TMEM161B: variants seen among roughly 807,000 people sequenced by gnomAD.
TMEM161B encodes transmembrane protein 161B.
In TMEM161B, 34 loss-of-function variants were observed where a neutral mutation model predicts 61.8. The ratio of observed to expected loss-of-function variants is 0.55; its 90% CI spans 0.42 to 0.73. TMEM161B has a LOEUF of 0.73. Ranked by LOEUF, TMEM161B falls within the 30% of genes least tolerant of loss-of-function variation. The pLI, the probability that TMEM161B is intolerant of heterozygous loss-of-function variation, is 0.00. For synonymous variants in TMEM161B, 167 were observed against 192.8 expected (o/e 0.87, Z 1.11); for missense variants, 456 against 558.5 (o/e 0.82, Z 1.85).
chr5:88,199,379 G>GA (rs1233275688), intron 9 of TMEM161B: 6 of 364,750 alleles, frequency 1.6e-5, no homozygotes, highest in African/African-American at 4.2e-5. Context: ...GTATCTAGAA[G>GA]AAAAAAGTAG....
intron 1 of TMEM161B, among the ~76,000 whole-genome samples, chr5:88,264,507 T>C (rs898589229): frequency 4.6e-5 from 7 of 152,160 alleles, no homozygotes; most frequent in Non-Finnish European, 1.0e-4. Flanking sequence ...AGTTCAACCA[T>C]TGTGGAAGAC....
At chr5:88,238,277 T>C (rs1388020702) in intron 2 of TMEM161B, among the ~76,000 whole-genome samples, 4 of 151,878 alleles carry the variant, frequency 2.6e-5, no homozygotes, top group Non-Finnish European at 4.4e-5. Context: ...AAACTCTCCA[T>C]TTCAAAGGGA....
chr5:88,199,220 T>C, intron 9 of TMEM161B, 70 bp from the exon 10 acceptor site: 1 of 1,435,628 alleles, frequency 7.0e-7, no homozygotes, highest in East Asian at 2.5e-5. Flanking sequence ...TATATGTTAA[T>C]GGTCACCATA....
intron 1 of TMEM161B, among the ~76,000 whole-genome samples, chr5:88,248,311 G>C (rs1753884333): frequency 6.6e-6 from 1 of 152,098 alleles, no homozygotes; most frequent in East Asian, 1.9e-4. Context: ...ATACCTTCCA[G>C]GTGGTCAAAA....
intron 1 of TMEM161B, among the ~76,000 whole-genome samples, chr5:88,266,001 A>G (rs1488863623): frequency 2.0e-5 from 3 of 152,266 alleles, no homozygotes; most frequent in African/African-American, 7.2e-5. Flanking sequence ...CAAAAAGGAA[A>G]GTGCAATAGA....
At chr5:88,198,910 A>ATT in intron 10 of TMEM161B, 66 bp downstream of exon 10, 1 of 1,277,930 alleles carries the variant, frequency 7.8e-7, no homozygotes, top group Non-Finnish European at 1.1e-6. Context: ...AAAGGAAACC[A>ATT]ATTTTTTTTT....
At chr5:88,258,237 C>T (rs1230085937) in intron 1 of TMEM161B, among the ~76,000 whole-genome samples, 1 of 152,138 alleles carries the variant, frequency 6.6e-6, no homozygotes, top group Admixed American at 6.5e-5. Flanking sequence ...ATTTTGTTGG[C>T]AATTATTTCT....
intron 7 of TMEM161B, 63 bp downstream of exon 7, chr5:88,206,374 AAT>A (rs1287543127): frequency 1.5e-6 from 2 of 1,345,410 alleles, no homozygotes; most frequent in African/African-American, 3.0e-5. Context: ...ATTTATAGTA[AAT>A]ACTGCTTTAT....
chr5:88,217,757 T>A (rs1195186578), intron 5 of TMEM161B, among the ~76,000 whole-genome samples: 1 of 152,144 alleles, frequency 6.6e-6, no homozygotes, highest in Non-Finnish European at 1.5e-5. Flanking sequence ...TACCTCACCA[T>A]GTGCTCAAAG....
intron 11 of TMEM161B, 143 bp downstream of exon 11, chr5:88,197,526 G>A (rs1163655444): frequency 5.7e-6 from 4 of 702,654 alleles, no homozygotes; most frequent in Non-Finnish European, 9.5e-6. Context: ...ACCTTCCACA[G>A]CTAAAACTTT....
downstream of TMEM161B, among the ~76,000 whole-genome samples, chr5:88,190,954 ATAT>A (rs1285067223): frequency 6.6e-6 from 1 of 152,192 alleles, no homozygotes; most frequent in Non-Finnish European, 1.5e-5. Flanking sequence ...TGCTAAAAAC[ATAT>A]TGTTTTAACC....
intron 1 of TMEM161B, among the ~76,000 whole-genome samples, chr5:88,241,190 G>A (rs1405208900): frequency 1.3e-5 from 2 of 151,632 alleles, no homozygotes; most frequent in South Asian, 2.1e-4. Context: ...ATTGTATTAG[G>A]TATTATAAGT....
chr5:88,199,329 A>G lies in TMEM161B; in HGVS notation c.915-179T>C, dbSNP rs1750286087. 6.1e-6 allele frequency: 3 copies of G among 487,952 alleles called. No individual in the cohort carries two copies. In the South Asian group the frequency reaches 1.6e-4, roughly 27 times the overall value. 30.2% of individuals were successfully genotyped at this position (487,952 alleles called of 1,614,324 possible). A position where few individuals can be genotyped will look rare whatever the true frequency, so the allele number is the denominator to read the frequency against. On this transcript the variant is annotated intron_variant, in intron 9 of 11. Transcript: ENST00000296595. ...TATAATACTTTAACTTGAATAACAG[A>G]ACTAGATAAATGTATCATGAAAGCG...
At chr5:88,197,866 C>A in intron 10 of TMEM161B, 101 bp from the exon 11 acceptor site, 1 of 936,480 alleles carries the variant, frequency 1.1e-6, no homozygotes, top group Non-Finnish European at 1.6e-6. Flanking sequence ...AGAGATAATC[C>A]TTTCACAAGA....
At chr5:88,202,235 C>G (rs1170126877) in intron 9 of TMEM161B, 1 of 418,476 alleles carries the variant, frequency 2.4e-6, no homozygotes, top group Non-Finnish European at 4.8e-6. Flanking sequence ...TTCTATTACT[C>G]TAACAGTTCT....
At chr5:88,206,713 A>C (rs894608133) in intron 6 of TMEM161B, among the ~76,000 whole-genome samples, 2 of 152,118 alleles carry the variant, frequency 1.3e-5, no homozygotes, top group Non-Finnish European at 2.9e-5. Context: ...ATATTTGTAC[A>C]TTCCATGAGT....
intron 2 of TMEM161B, among the ~76,000 whole-genome samples, chr5:88,234,904 T>C (rs1336299264): frequency 2.0e-5 from 3 of 152,064 alleles, no homozygotes; most frequent in East Asian, 1.9e-4. Flanking sequence ...GTCTCTAAGA[T>C]AAATAAATAA....
intron 1 of TMEM161B, among the ~76,000 whole-genome samples, chr5:88,256,936 C>T (rs73770362): frequency 6.6e-6 from 1 of 152,186 alleles, no homozygotes; most frequent in East Asian, 1.9e-4. Context: ...TCTGTTTTTA[C>T]AAGACAATCT....
chr5:88,263,364 G>A (rs1755931588), intron 1 of TMEM161B, among the ~76,000 whole-genome samples: 1 of 152,134 alleles, frequency 6.6e-6, no homozygotes, highest in Non-Finnish European at 1.5e-5. Context: ...TTTTTAAGCA[G>A]TTATATCCCT....
Sources: allele counts gnomAD v4.1 joint callset (sites outside exome capture counted in the v4.1 genomes callset), GRCh38; gene constraint gnomAD v4.1.1; transcripts MANE v1.5; gene names NCBI Gene and HGNC (gene_info 2026-07-23, HGNC 2026-07-21).